HPCAL1: variants seen among roughly 807,000 people sequenced by gnomAD.
HPCAL1 encodes hippocalcin-like protein 1.
Under a neutral mutation model 17.1 loss-of-function variants are expected in HPCAL1, and 8 were observed. That is an observed-to-expected ratio of 0.47 (90% confidence interval 0.27 to 0.84). The LOEUF is 0.84. Ranked by LOEUF, HPCAL1 falls within the 40% of genes least tolerant of loss-of-function variation. The pLI is 0.13. For missense variants in HPCAL1, 165 were observed against 271.1 expected, an observed-to-expected ratio of 0.61 and a Z score of 2.75; for synonymous variants, 112 against 111.4, an observed-to-expected ratio of 1.01 and a Z score of -0.03.
At chr2:10,418,331 G>A (rs1330686767) in intron 2 of HPCAL1, among the ~76,000 whole-genome samples, 1 of 151,874 alleles carries the variant, frequency 6.6e-6, no homozygotes, top group Non-Finnish European at 1.5e-5. Flanking sequence ...CTACTCAGGA[G>A]GCTGAGTTGG....
At chr2:10,400,494 G>T (rs1186852141) in intron 2 of HPCAL1, among the ~76,000 whole-genome samples, 4 of 152,186 alleles carry the variant, frequency 2.6e-5, no homozygotes, top group Non-Finnish European at 5.9e-5. Flanking sequence ...TGCTGGCCAG[G>T]CCGTGGATCC....
In HPCAL1 at chr2:10,330,904, A is replaced by G. The variant is rs1664326491; in HGVS notation, c.-111+27727A>G. On this transcript the variant is annotated intron_variant, in intron 1 of 4. Transcript: ENST00000307845. The surrounding 1 kb of genome is among the most constrained non-coding windows in gnomAD (Gnocchi z 4.2). ...GCCCACACCGTGCTGGTTGAGTCAG[A>G]GCTTCTGGGTGCAGCCTGGGGGTGC... Among the ~76,000 whole-genome samples the G allele has an allele frequency of 6.6e-6, 1 of 152,116 alleles. No individual in the cohort carries two copies. Among genetic ancestry groups the G allele is most frequent in the South Asian group, 2.1e-4 (1 of 4,826 alleles).
Position 10,324,816 on chromosome 2 carries a change from G to GTTT in HPCAL1, c.-111+21661_-111+21663dup, listed in dbSNP as rs3036350. ...CAATATTGGGTTTGCTGGTTTTTGT[G>GTTT]TTTTTTTTTTTTTTTTTTTTTTTTG... On this transcript the variant is annotated intron_variant, in intron 1 of 4. Coordinates refer to ENST00000307845, the MANE Select transcript of HPCAL1 (RefSeq NM_002149.4). Among the ~76,000 whole-genome samples, 429 of 66,378 alleles carry GTTT rather than the reference G, an allele frequency of 6.5e-3. 23 individuals are homozygous for GTTT. The highest frequency in any genetic ancestry group is 0.012 in the Middle Eastern group (1 of 82). 43.5% of individuals were successfully genotyped at this position (66,378 alleles called of 152,430 possible).
At chr2:10,410,436 CTTTTT>C (rs36002921) in intron 2 of HPCAL1, among the ~76,000 whole-genome samples, 20 of 77,494 alleles carry the variant, frequency 2.6e-4, no homozygotes, top group African/African-American at 7.0e-4. Context: ...TCTTCTTCTT[CTTTTT>C]TTTTTTTTTT....
intron 1 of HPCAL1, among the ~76,000 whole-genome samples, chr2:10,345,020 CCT>C (rs572876392): frequency 6.9e-6 from 1 of 144,568 alleles, no homozygotes; most frequent in East Asian, 2.1e-4. Context: ...TCTCTTTCTG[CCT>C]CTCTCTATGT....
rs1243121107 is a variant in HPCAL1 at position 10,344,627 on chromosome 2, A to T, written c.-111+41450A>T. On this transcript the variant is annotated intron_variant, in intron 1 of 4. Transcript: ENST00000307845. This position sits in a 1 kb window ranked among gnomAD's most constrained non-coding sequence, Gnocchi z 4.9. Reference sequence around the variant, plus strand: ...CAGCTCAGAAATATTTTATAATCAAATGAGTAAGACGGGCGTCCCACACTC... The same window carrying T: ...CAGCTCAGAAATATTTTATAATCAATTGAGTAAGACGGGCGTCCCACACTC... Among the ~76,000 whole-genome samples the T allele has an allele frequency of 1.3e-5, 2 of 152,148 alleles. No homozygotes were observed. The highest frequency in any genetic ancestry group is 1.3e-4 in the Admixed American group (2 of 15,274).
Position 10,354,508 on chromosome 2 carries a change from G to A in HPCAL1, c.-110-42327G>A, listed in dbSNP as rs1171491037. The A allele has an allele frequency of 1.3e-5, 2 of 152,206 alleles. No homozygotes were observed. Among genetic ancestry groups the A allele is most frequent in the African/African-American group, 4.8e-5 (2 of 41,454 alleles). The allele number at this position is 152,206 out of a possible 1,614,324, so 9.4% of individuals were successfully genotyped here. On this transcript the variant is annotated intron_variant, in intron 1 of 4. Transcript: ENST00000307845. The surrounding 1 kb of genome is among the most constrained non-coding windows in gnomAD (Gnocchi z 5.1). ...ACGGTCTTGGTCAGCCACCTTCCAG[G>A]TTGACTTGCCAGGGTGTCCTGGGTT...
chr2:10,426,334 C>A (rs185861205), intron 4 of HPCAL1: 1 of 201,150 alleles, frequency 5.0e-6, no homozygotes, highest in African/African-American at 2.3e-5. Context: ...CTTCCGGGGG[C>A]CCCCAACCAG....
rs767891887 is a variant in HPCAL1 at position 10,369,397 on chromosome 2, C to A, written c.-110-27438C>A. The stretch of plus-strand genomic sequence containing the variant: ...TCTCTCGGGATTTTTTCTGGCCTTG[C>A]CTGTCTGCAGAATCCATAGAGGACC... On this transcript the variant is annotated intron_variant, in intron 1 of 4. Transcript: ENST00000307845. Among the ~76,000 whole-genome samples, 5 of 152,316 alleles carry A rather than the reference C, an allele frequency of 3.3e-5. 1 individual carries two copies. In the South Asian group the frequency reaches 8.3e-4, roughly 25 times the overall value.
chr2:10,322,002 C>A (rs985506156), intron 1 of HPCAL1, among the ~76,000 whole-genome samples: 1 of 152,070 alleles, frequency 6.6e-6, no homozygotes, highest in African/African-American at 2.4e-5. Flanking sequence ...TAGAGAGACA[C>A]AATTTTACTT....
intron 2 of HPCAL1, among the ~76,000 whole-genome samples, chr2:10,403,813 C>T (rs2125595882): frequency 6.6e-6 from 1 of 152,026 alleles, no homozygotes; most frequent in East Asian, 1.9e-4. Context: ...TCATTACAAA[C>T]GCCCACTCTT....
intron 1 of HPCAL1, among the ~76,000 whole-genome samples, chr2:10,376,143 ACAC>A (rs1667543977): frequency 6.6e-6 from 1 of 152,238 alleles, no homozygotes; most frequent in Non-Finnish European, 1.5e-5. Context: ...ATCGTAAGCT[ACAC>A]CAGAAGCAGA....
At chr2:10,393,592 T>C (rs547711812) in intron 1 of HPCAL1, among the ~76,000 whole-genome samples, 1 of 152,216 alleles carries the variant, frequency 6.6e-6, no homozygotes, top group Non-Finnish European at 1.5e-5. Flanking sequence ...AGAGGAAAGA[T>C]GCCTCTGTGG....
chr2:10,381,020 A>G (rs889203563), intron 1 of HPCAL1, among the ~76,000 whole-genome samples: 2 of 152,194 alleles, frequency 1.3e-5, no homozygotes, highest in African/African-American at 4.8e-5. Context: ...AAGTGTGGGA[A>G]CCGCTGGGGA....
rs1193909884 is a variant in HPCAL1 at position 10,395,765 on chromosome 2, A to AT, written c.-110-1068dup. ...TGGAAGACACATGATCTTGCAGGTA[A>AT]TTAGCTCCTGTAAGCCTCCATTTTT... On this transcript the variant is annotated intron_variant, in intron 1 of 4. Coordinates refer to ENST00000307845, the MANE Select transcript of HPCAL1 (RefSeq NM_002149.4). This position sits in a 1 kb window ranked among gnomAD's most constrained non-coding sequence, Gnocchi z 4.4. Among the ~76,000 whole-genome samples, 1 of 152,158 alleles carries AT rather than the reference A, an allele frequency of 6.6e-6. No individual in the cohort carries two copies. The highest frequency in any genetic ancestry group is 6.5e-5 in the Admixed American group (1 of 15,284).
At chr2:10,413,697 T>G (rs577580093) in intron 2 of HPCAL1, among the ~76,000 whole-genome samples, 1 of 152,366 alleles carries the variant, frequency 6.6e-6, no homozygotes, top group African/African-American at 2.4e-5. Flanking sequence ...TCCCTTTCTA[T>G]ACGCATCTGT....
chr2:10,408,753 C>T (rs759595255), intron 2 of HPCAL1: 2 of 152,182 alleles, frequency 1.3e-5, no homozygotes, highest in Non-Finnish European at 2.9e-5. Flanking sequence ...GAAATACAAA[C>T]GCCATGATCT....
In HPCAL1 at chr2:10,342,560, A is replaced by T. The variant is rs551255258; in HGVS notation, c.-111+39383A>T. ...CGGGGCTTGTGCTGGACTTTGCAGG[A>T]TGCCAGACTTTTGGCAGGGGAGGAA... On this transcript the variant is annotated intron_variant, in intron 1 of 4. Transcript: ENST00000307845. The surrounding 1 kb of genome is among the most constrained non-coding windows in gnomAD (Gnocchi z 4.1). 6.0e-4 allele frequency among the ~76,000 whole-genome samples: 91 copies of T among 152,330 alleles called. 1 individual carries two copies. The highest frequency in any genetic ancestry group is 1.4e-3 in the Admixed American group (21 of 15,304).
In HPCAL1 at chr2:10,419,947, T is replaced by G; in HGVS notation, c.190T>G (p.Phe64Val). The G allele has an allele frequency of 6.2e-7, 1 of 1,613,952 alleles. No homozygotes were observed. The highest frequency in any genetic ancestry group is 8.5e-7 in the Non-Finnish European group (1 of 1,180,012). ...CTTCCCCTACGGCGACGCTTCCAAG[T>G]TCGCCGAGCACGTCTTCCGCACCTT... ...NFFPYGDASK[F>V]AEHVFRTFDT... Residue 64 changes from phenylalanine to valine, a missense_variant, in exon 3 of 5, where the codon TTC (phenylalanine) becomes GTC (valine). By Grantham distance (50) the Phe-to-Val change is conservative. Coordinates refer to ENST00000307845, the MANE Select transcript of HPCAL1 (RefSeq NM_002149.4). The surrounding 1 kb of genome is among the most constrained non-coding windows in gnomAD (Gnocchi z 5.0).
Sources: allele counts gnomAD v4.1 joint callset (sites outside exome capture counted in the v4.1 genomes callset), GRCh38; gene constraint gnomAD v4.1.1; non-coding constraint Gnocchi (gnomAD v3.1); transcripts MANE v1.5; gene names NCBI Gene and HGNC (gene_info 2026-07-23, HGNC 2026-07-21).